The following ARL6IP6 variants were observed in gnomAD, a reference collection of about 807,000 sequenced individuals.
ARL6IP6 encodes the protein ARF like GTPase 6 interacting protein 6, also known as ADP-ribosylation factor-like protein 6-interacting protein 6.
In ARL6IP6, 22 loss-of-function variants were observed where a neutral mutation model predicts 21.5. That is an observed-to-expected ratio of 1.02 (90% confidence interval 0.73 to 1.46). The LOEUF (loss-of-function observed/expected upper bound fraction) is 1.46. ARL6IP6 is among the 40% of genes most tolerant of loss of function. The probability of loss-of-function intolerance (pLI) is 0.00; values close to 1 mark genes in which losing one functional copy is unlikely to be tolerated. For missense variants in ARL6IP6, 388 were observed against 299.8 expected (o/e 1.29, Z -2.17); for synonymous variants, 164 against 125.3 (o/e 1.31, Z -2.06).
At chr2:152,742,385 T>A (rs1043643265) in intron 3 of ARL6IP6, among the ~76,000 whole-genome samples, 1 of 151,934 alleles carries the variant, frequency 6.6e-6, no homozygotes, top group Non-Finnish European at 1.5e-5. Flanking sequence ...CTAGTCAACA[T>A]AGTGAGATGC....
chr2:152,732,138 T>C (rs116573741), intron 2 of ARL6IP6, among the ~76,000 whole-genome samples: 2,002 of 151,938 alleles, frequency 0.013, 22 homozygotes, highest in Middle Eastern at 0.034. Flanking sequence ...TTGTATAATA[T>C]ACAAAGGTAT....
intron 3 of ARL6IP6, among the ~76,000 whole-genome samples, chr2:152,754,057 T>C (rs562393265): frequency 1.8e-4 from 27 of 151,994 alleles, no homozygotes; most frequent in African/African-American, 2.4e-4. Flanking sequence ...TTTTTTTTTT[T>C]CATATAATTT....
intron 2 of ARL6IP6, 22 bp from the exon 3 acceptor site, chr2:152,734,972 T>TC (rs1351069875): frequency 6.2e-7 from 1 of 1,605,072 alleles, no homozygotes. Flanking sequence ...ATGTACTTTT[T>TC]CCCCTCTCTT....
Position 152,723,320 on chromosome 2 carries a change from C to T in ARL6IP6, c.454+2734C>T, listed in dbSNP as rs139500431. Among the ~76,000 whole-genome samples the T allele has an allele frequency of 7.9e-3, 1,198 of 152,266 alleles. 4 individuals are homozygous for T. The highest frequency in any genetic ancestry group is 0.013 in the Non-Finnish European group (876 of 68,012). On this transcript the variant is annotated intron_variant, in intron 2 of 3. Transcript: ENST00000326446. The stretch of plus-strand genomic sequence containing the variant: ...CATGCAGCCTTTTATCAGATGATAA[C>T]GATTTTATTATATTTCACTATTTAT...
intron 2 of ARL6IP6, among the ~76,000 whole-genome samples, chr2:152,732,194 T>C (rs1350128933): frequency 6.6e-6 from 1 of 152,004 alleles, no homozygotes; most frequent in Non-Finnish European, 1.5e-5. Context: ...TATATTGTCC[T>C]AAAGACATAT....
chr2:152,750,290 A>G (rs1701264474), intron 3 of ARL6IP6, among the ~76,000 whole-genome samples: 1 of 152,084 alleles, frequency 6.6e-6, no homozygotes. Context: ...CCTGGCCAAC[A>G]TGGTGAAACC....
chr2:152,717,655 G>T, upstream of ARL6IP6: 1 of 1,423,896 alleles, frequency 7.0e-7, no homozygotes, highest in Non-Finnish European at 9.2e-7. Flanking sequence ...GAGGAGGACG[G>T]AGGAAGTTTC....
intron 3 of ARL6IP6, among the ~76,000 whole-genome samples, chr2:152,751,320 A>G (rs1701320035): frequency 1.3e-5 from 2 of 152,226 alleles, no homozygotes; most frequent in African/African-American, 4.8e-5. Flanking sequence ...CCATCACTGA[A>G]AACATTTATC....
intron 3 of ARL6IP6, among the ~76,000 whole-genome samples, chr2:152,759,176 CAT>C (rs1701719390): frequency 6.6e-6 from 1 of 152,132 alleles, no homozygotes; most frequent in Non-Finnish European, 1.5e-5. Context: ...TCCTAGCAAT[CAT>C]AAAAGAGATG....
At chr2:152,756,342 G>A (rs972999144) in intron 3 of ARL6IP6, among the ~76,000 whole-genome samples, 2 of 152,026 alleles carry the variant, frequency 1.3e-5, no homozygotes, top group African/African-American at 4.8e-5. Context: ...ATGAATTACA[G>A]ATTTAAATAT....
intron 3 of ARL6IP6, among the ~76,000 whole-genome samples, chr2:152,742,416 A>G (rs989536219): frequency 2.6e-5 from 4 of 152,006 alleles, no homozygotes; most frequent in African/African-American, 7.2e-5. Context: ...AAAAATTTTA[A>G]AAAGTATCCA....
rs984741503 is a variant in ARL6IP6 at position 152,719,147 on chromosome 2, G to C, written c.400+123G>C. 18 of 1,163,402 alleles carry C rather than the reference G, an allele frequency of 1.5e-5. No homozygotes were observed. In the African/African-American group the frequency reaches 2.2e-4, roughly 14 times the overall value. The allele number at this position is 1,163,402 out of a possible 1,614,324, so 72.1% of individuals were successfully genotyped here. On this transcript the variant is annotated intron_variant, in intron 1 of 3. Transcript: ENST00000326446. ...TCAGGCTGGCAGCTGCTTTCACCCA[G>C]AGTCCTCATTTGCATCTTACTTTGC... is the stretch of plus-strand genomic sequence containing the variant.
chr2:152,727,319 A>G (rs566785169), intron 2 of ARL6IP6, among the ~76,000 whole-genome samples: 3 of 152,350 alleles, frequency 2.0e-5, no homozygotes, highest in Admixed American at 6.5e-5. Flanking sequence ...ACAGCTGTAC[A>G]GTGTCCTTTT....
chr2:152,745,331 C>A (rs1351985543), intron 3 of ARL6IP6, among the ~76,000 whole-genome samples: 1 of 152,100 alleles, frequency 6.6e-6, no homozygotes, highest in Non-Finnish European at 1.5e-5. Context: ...TTTGAAATTT[C>A]CAGCAGCACT....
At chr2:152,738,499 A>G (rs974850652) in intron 3 of ARL6IP6, among the ~76,000 whole-genome samples, 2 of 152,158 alleles carry the variant, frequency 1.3e-5, no homozygotes, top group Non-Finnish European at 2.9e-5. Flanking sequence ...AGGCGTTTCC[A>G]TACATCCTCT....
At chr2:152,717,738 C>A (rs1268545615), upstream of ARL6IP6, 2 of 1,326,042 alleles carry the variant, frequency 1.5e-6, no homozygotes. Context: ...GTCCCAGCTT[C>A]CCGAGCTTAG....
At chr2:152,738,960 T>C (rs558502868) in intron 3 of ARL6IP6, among the ~76,000 whole-genome samples, 2 of 152,212 alleles carry the variant, frequency 1.3e-5, no homozygotes, top group South Asian at 4.2e-4. Flanking sequence ...CCAAACCATG[T>C]TTTTGTGAAT....
At chr2:152,748,918 A>G (rs918426267) in intron 3 of ARL6IP6, among the ~76,000 whole-genome samples, 38 of 152,190 alleles carry the variant, frequency 2.5e-4, no homozygotes, top group Admixed American at 2.2e-3. Context: ...AACCTGAAAC[A>G]TGACAAGAGA....
intron 1 of ARL6IP6, chr2:152,720,180 C>T (rs1019080436): frequency 4.2e-6 from 1 of 236,232 alleles, no homozygotes; most frequent in African/African-American, 3.3e-5. Context: ...CATAAAGTCA[C>T]AAAACCATGA....
Sources: gnomAD v4.1 joint callset for allele counts (sites outside exome capture counted in the v4.1 genomes callset) on GRCh38, gnomAD v4.1.1 for gene constraint, MANE v1.5 for transcripts, NCBI Gene and HGNC (gene_info 2026-07-23, HGNC 2026-07-21) for gene names.